Variants in DNER observed in about 807,000 individuals in gnomAD.
The protein encoded by DNER is delta and Notch-like epidermal growth factor-related receptor.
A neutral mutation model predicts 78.2 loss-of-function variants in DNER; 33 were observed. That is an observed-to-expected ratio of 0.42 (90% CI 0.32 to 0.56). DNER has a LOEUF of 0.56. Ranked by LOEUF, DNER falls within the 20% of genes least tolerant of loss-of-function variation. The pLI is 0.11. For synonymous variants in DNER, 417 were observed against 384.8 expected, an observed-to-expected ratio of 1.08 and a Z score of -0.98; for missense variants, 918 against 975.3, an observed-to-expected ratio of 0.94 and a Z score of 0.78.
chr2:229,712,106 A>G (rs554907372), intron 1 of DNER, among the ~76,000 whole-genome samples: 3 of 152,160 alleles, frequency 2.0e-5, no homozygotes, highest in Non-Finnish European at 2.9e-5. Context: ...GCTCTCTCCA[A>G]CTCACACACC....
chr2:229,507,693 A>C (rs1695773238), intron 6 of DNER, among the ~76,000 whole-genome samples: 1 of 152,208 alleles, frequency 6.6e-6, no homozygotes, highest in South Asian at 2.1e-4. Context: ...GATTAAAAAT[A>C]AAATTATAAC....
Position 229,406,786 on chromosome 2 carries a change from C to T in DNER, c.1723+446G>A, listed in dbSNP as rs1693394419. ...ATTTCTGGAGAAGCCAGTCCTGCCC[C>T]GCCAATCTCGCCTCCCATCCCACTC... On this transcript the variant is annotated intron_variant, in intron 10 of 12. Transcript: ENST00000341772. 2.0e-5 allele frequency among the ~76,000 whole-genome samples: 3 copies of T among 151,176 alleles called. No individual in the cohort carries two copies. In the South Asian group the frequency reaches 6.3e-4, roughly 32 times the overall value.
intron 1 of DNER, among the ~76,000 whole-genome samples, chr2:229,619,275 T>C (rs964764313): frequency 2.0e-5 from 3 of 152,184 alleles, no homozygotes; most frequent in African/African-American, 7.2e-5. Flanking sequence ...ATGCACTGTA[T>C]GCCTGGAGAA....
intron 1 of DNER, among the ~76,000 whole-genome samples, chr2:229,695,955 G>A (rs2154217512): frequency 6.6e-6 from 1 of 152,278 alleles, no homozygotes; most frequent in East Asian, 1.9e-4. Context: ...TGCTGGGGGT[G>A]GGAGAGATCT....
At chr2:229,693,576 A>T (rs1422147188) in intron 1 of DNER, among the ~76,000 whole-genome samples, 1 of 152,176 alleles carries the variant, frequency 6.6e-6, no homozygotes, top group Non-Finnish European at 1.5e-5. Context: ...TGGACAATGA[A>T]GTCCAGGCTG....
intron 7 of DNER, among the ~76,000 whole-genome samples, chr2:229,464,133 A>G (rs1694756553): frequency 6.6e-6 from 1 of 152,220 alleles, no homozygotes; most frequent in South Asian, 2.1e-4. Context: ...GTGATGTTCA[A>G]ATCAGAGAAG....
At chr2:229,606,162 T>C (rs1687450898) in intron 1 of DNER, 1 of 152,230 alleles carries the variant, frequency 6.6e-6, no homozygotes, top group Non-Finnish European at 1.5e-5. Flanking sequence ...ATGATGACAC[T>C]GCATTGACCA....
At chr2:229,472,762 G>A (rs1181893748) in intron 7 of DNER, among the ~76,000 whole-genome samples, 1 of 152,178 alleles carries the variant, frequency 6.6e-6, no homozygotes, top group African/African-American at 2.4e-5. Context: ...AAACATTCAT[G>A]ATATTTCACT....
chr2:229,616,876 A>G (rs2052309), intron 1 of DNER, among the ~76,000 whole-genome samples: 145,956 of 152,280 alleles, frequency 0.96, 69,977 homozygotes, highest in East Asian at 1. Flanking sequence ...TGGTCTCTGG[A>G]CTGAGGCCTT....
chr2:229,387,875 G>A (rs1692927730), intron 11 of DNER, among the ~76,000 whole-genome samples: 1 of 115,686 alleles, frequency 8.6e-6, no homozygotes, highest in South Asian at 2.6e-4. Context: ...GTGTGTGTGT[G>A]TGTGTGTGTG....
chr2:229,685,390 TATG>T (rs1181116381), intron 1 of DNER, among the ~76,000 whole-genome samples: 1 of 112,562 alleles, frequency 8.9e-6, no homozygotes, highest in Non-Finnish European at 1.8e-5. Flanking sequence ...TGAATAAAAA[TATG>T]ATGAGAACAC....
intron 5 of DNER, among the ~76,000 whole-genome samples, chr2:229,529,926 T>C (rs1052442370): frequency 6.6e-6 from 1 of 152,042 alleles, no homozygotes; most frequent in Non-Finnish European, 1.5e-5. Context: ...GGAGGATTGG[T>C]TGAGTCTGAG....
intron 1 of DNER, among the ~76,000 whole-genome samples, chr2:229,692,797 G>C (rs1024540589): frequency 1.3e-5 from 2 of 152,058 alleles, no homozygotes; most frequent in African/African-American, 4.8e-5. Context: ...GAATGTATTT[G>C]AGAACTTTGA....
intron 10 of DNER, among the ~76,000 whole-genome samples, chr2:229,391,213 C>T (rs970459038): frequency 3.3e-5 from 5 of 152,218 alleles, no homozygotes; most frequent in African/African-American, 1.2e-4. Context: ...ATATTAACGG[C>T]ATTATGTTTG....
At chr2:229,478,384 T>G (rs1695081741) in intron 6 of DNER, among the ~76,000 whole-genome samples, 1 of 152,202 alleles carries the variant, frequency 6.6e-6, no homozygotes, top group African/African-American at 2.4e-5. Flanking sequence ...TCACCTGAGC[T>G]TCAATTACCT....
At chr2:229,475,915 C>A (rs1167072041) in intron 7 of DNER, among the ~76,000 whole-genome samples, 1 of 152,170 alleles carries the variant, frequency 6.6e-6, no homozygotes, top group Admixed American at 6.5e-5. Context: ...GACTGACTAA[C>A]CAAGGGCGTG....
intron 10 of DNER, among the ~76,000 whole-genome samples, chr2:229,394,742 G>A (rs897465237): frequency 1.1e-4 from 17 of 152,330 alleles, no homozygotes; most frequent in East Asian, 9.7e-4. Flanking sequence ...CATTGAGGAC[G>A]GGAGCCCATC....
chr2:229,618,060 C>T (rs969776441), intron 1 of DNER, among the ~76,000 whole-genome samples: 4 of 152,210 alleles, frequency 2.6e-5, no homozygotes, highest in Non-Finnish European at 5.9e-5. Flanking sequence ...GAGATAACCC[C>T]CCTTTTCCTG....
chr2:229,704,111 C>T (rs377683148), intron 1 of DNER, among the ~76,000 whole-genome samples: 1 of 152,244 alleles, frequency 6.6e-6, no homozygotes, highest in East Asian at 1.9e-4. Flanking sequence ...TGTTCAACAC[C>T]ATTAATCATT....
Sources: gnomAD v4.1 joint callset for allele counts (sites outside exome capture counted in the v4.1 genomes callset) on GRCh38, gnomAD v4.1.1 for gene constraint, MANE v1.5 for transcripts, NCBI Gene and HGNC (gene_info 2026-07-23, HGNC 2026-07-21) for gene names.